Variants in TNIP3 observed in about 807,000 individuals in gnomAD.
The protein encoded by TNIP3 is TNFAIP3-interacting protein 3.
TNIP3 carries 34 observed loss-of-function variants against 54.1 expected under a neutral mutation model. The ratio of observed to expected loss-of-function variants is 0.63; its 90% CI spans 0.48 to 0.84. The LOEUF is 0.84. Ranked by LOEUF, TNIP3 falls within the 40% of genes least tolerant of loss-of-function variation. TNIP3 has a pLI of 0.00. For synonymous variants in TNIP3, 134 were observed against 136.8 expected (o/e 0.98, Z 0.14); for missense variants, 366 against 387.6 (o/e 0.94, Z 0.47).
chr4:121,216,361 C>A, intron 2 of TNIP3: 1 of 1,421,498 alleles, frequency 7.0e-7, no homozygotes, highest in Non-Finnish European at 9.6e-7. Context: ...CAGAAGTGCT[C>A]TAATTAGAAT....
At chr4:121,137,746 C>T (rs1728872741) in intron 10 of TNIP3, 6 of 332,024 alleles carry the variant, frequency 1.8e-5, no homozygotes, top group South Asian at 5.0e-5. Flanking sequence ...TGACTTCAAA[C>T]GAGATCAAAT....
At chr4:121,182,578 G>T in intron 3 of TNIP3, 1 of 1,373,076 alleles carries the variant, frequency 7.3e-7, no homozygotes, top group Non-Finnish European at 9.8e-7. Flanking sequence ...GTACATGACT[G>T]ACGGTAAATG....
chr4:121,182,666 GT>G, intron 3 of TNIP3: 1 of 1,533,802 alleles, frequency 6.5e-7, no homozygotes, highest in Non-Finnish European at 8.7e-7. Flanking sequence ...GAAAAAAGGT[GT>G]TTTCTTACCT....
chr4:121,216,717 T>G (rs565121168), upstream of TNIP3: 12 of 1,062,312 alleles, frequency 1.1e-5, no homozygotes, highest in Non-Finnish European at 1.5e-5. Context: ...CCACTGGGTG[T>G]AAACACAGGC....
intron 2 of TNIP3, among the ~76,000 whole-genome samples, chr4:121,160,350 A>G (rs1730371876): frequency 6.6e-6 from 1 of 152,044 alleles, no homozygotes; most frequent in Admixed American, 6.6e-5. Context: ...ATGGTCGTGC[A>G]CGCCTGTAAT....
At chr4:121,205,967 AAGG>A (rs1480720923) in intron 2 of TNIP3, among the ~76,000 whole-genome samples, 1 of 152,142 alleles carries the variant, frequency 6.6e-6, no homozygotes, top group Non-Finnish European at 1.5e-5. Flanking sequence ...GGATGGCAAG[AAGG>A]AGAAGTGCCG....
intron 2 of TNIP3, among the ~76,000 whole-genome samples, chr4:121,209,675 A>T (rs571344386): frequency 6.6e-6 from 1 of 152,318 alleles, no homozygotes; most frequent in East Asian, 1.9e-4. Flanking sequence ...TGTACCTCTG[A>T]AGCTCCATTA....
upstream of TNIP3, among the ~76,000 whole-genome samples, chr4:121,217,144 C>G (rs1298930880): frequency 6.6e-6 from 1 of 152,160 alleles, no homozygotes; most frequent in Non-Finnish European, 1.5e-5. Context: ...ATACAGACTA[C>G]ATAGTATGTC....
chr4:121,164,406 G>C (rs1026528409), upstream of TNIP3: 14 of 1,132,078 alleles, frequency 1.2e-5, no homozygotes, highest in African/African-American at 2.1e-4. Context: ...TAGGCAGGCC[G>C]TGACTAAGAC....
chr4:121,151,685 T>G (rs1729769619), intron 5 of TNIP3, among the ~76,000 whole-genome samples: 1 of 152,114 alleles, frequency 6.6e-6, no homozygotes, highest in Non-Finnish European at 1.5e-5. Context: ...TGGTTCCTTA[T>G]CCTACACCTG....
chr4:121,207,955 T>C (rs759039870), intron 2 of TNIP3, among the ~76,000 whole-genome samples: 4 of 152,188 alleles, frequency 2.6e-5, no homozygotes, highest in Non-Finnish European at 2.9e-5. Flanking sequence ...TCCCCCATAC[T>C]GCTCTTGTGG....
intron 1 of TNIP3, among the ~76,000 whole-genome samples, chr4:121,161,689 C>T (rs761545094): frequency 3.2e-4 from 48 of 152,048 alleles, no homozygotes; most frequent in South Asian, 4.1e-4. Context: ...GTCAGAGGAA[C>T]GACAAAATCA....
At chr4:121,179,807 G>A (rs2148825824) in intron 3 of TNIP3, among the ~76,000 whole-genome samples, 1 of 151,486 alleles carries the variant, frequency 6.6e-6, no homozygotes, top group African/African-American at 2.4e-5. Context: ...GAAAATGTGT[G>A]TGTGGTGGCC....
In TNIP3 at chr4:121,147,173, A is replaced by G. The variant is rs1416153006; in HGVS notation, c.611T>C (p.Val204Ala). Residue 204 changes from valine (V) to alanine (A), a missense_variant and splice_region_variant, in exon 7 of 11, where the codon GTG becomes GCG. Val to Ala is a moderately conservative substitution (Grantham distance 64). Transcript: ENST00000057513. Reference sequence around the variant, plus strand: ...TTTGAAGTCTTCTTCGTATATTTGCACCTAAGAAATATTAGCTTGCTGTTA... The same window carrying G: ...TTTGAAGTCTTCTTCGTATATTTGCGCCTAAGAAATATTAGCTTGCTGTTA... ...RTEMEVLKQQ[V>A]QIYEEDFKKE... is the part of the protein sequence containing the mutation. 6.2e-7 allele frequency: 1 copy of G among 1,605,632 alleles called. No homozygotes were observed. The highest frequency in any genetic ancestry group is 8.5e-7 in the Non-Finnish European group (1 of 1,177,356).
intron 2 of TNIP3, among the ~76,000 whole-genome samples, chr4:121,189,002 C>T (rs983081648): frequency 1.3e-5 from 2 of 152,096 alleles, no homozygotes; most frequent in Admixed American, 1.3e-4. Flanking sequence ...ACGGTTGCCT[C>T]ATTAGTATTG....
chr4:121,160,183 GA>G (rs11344644), intron 2 of TNIP3, among the ~76,000 whole-genome samples: 1,763 of 152,204 alleles, frequency 0.012, 27 homozygotes, highest in African/African-American at 0.039. Context: ...GAATGAATTA[GA>G]AAAGGAATTA....
chr4:121,167,981 G>A (rs905937035), upstream of TNIP3, among the ~76,000 whole-genome samples: 16 of 152,038 alleles, frequency 1.1e-4, no homozygotes, highest in African/African-American at 3.9e-4. Context: ...TGCAAAACTT[G>A]CCTTCCCTGT....
At chr4:121,137,144 C>T (rs752724351) in intron 10 of TNIP3, among the ~76,000 whole-genome samples, 29 of 152,148 alleles carry the variant, frequency 1.9e-4, no homozygotes, top group Admixed American at 6.5e-4. Flanking sequence ...TATAAATGAC[C>T]TTATGGTATT....
chr4:121,181,885 T>C (rs182186779), intron 3 of TNIP3, among the ~76,000 whole-genome samples: 2 of 152,334 alleles, frequency 1.3e-5, no homozygotes, highest in East Asian at 3.9e-4. Context: ...TGTCTCTACA[T>C]GATTTTTATA....
Sources: allele counts gnomAD v4.1 joint callset (sites outside exome capture counted in the v4.1 genomes callset), GRCh38; gene constraint gnomAD v4.1.1; transcripts MANE v1.5; gene names NCBI Gene and HGNC (gene_info 2026-07-23, HGNC 2026-07-21).